PLAAT1: variants seen among roughly 807,000 people sequenced by gnomAD.
PLAAT1 encodes phospholipase A and acyltransferase 1, also known as H-REV107 protein-related protein.
Under a neutral mutation model 16.4 loss-of-function variants are expected in PLAAT1, and 13 were observed. That is an observed-to-expected ratio of 0.79 (90% CI 0.52 to 1.26). PLAAT1 has a LOEUF of 1.26. Among genes scored for constraint, PLAAT1 ranks in the 50% most tolerant of loss-of-function variants. PLAAT1 has a pLI of 0.00. For synonymous variants in PLAAT1, 73 were observed against 78.4 expected (o/e 0.93, Z 0.36); for missense variants, 218 against 207.8 (o/e 1.05, Z -0.30).
chr3:193,257,596 C>T (rs189337823), intron 2 of PLAAT1, among the ~76,000 whole-genome samples: 1 of 152,250 alleles, frequency 6.6e-6, no homozygotes, highest in African/African-American at 2.4e-5. Flanking sequence ...AATTAAACAG[C>T]TTGGTCCTCA....
chr3:193,266,101 CTTATG>C (rs1716767531), intron 3 of PLAAT1, among the ~76,000 whole-genome samples: 2 of 152,128 alleles, frequency 1.3e-5, no homozygotes, highest in African/African-American at 2.4e-5. Context: ...GAGGTTAGAT[CTTATG>C]TTAAGTATTC....
chr3:193,249,647 T>C (rs1385040149), intron 1 of PLAAT1, among the ~76,000 whole-genome samples: 3 of 152,166 alleles, frequency 2.0e-5, no homozygotes, highest in African/African-American at 7.2e-5. Flanking sequence ...TTCTGTTTAA[T>C]GCTGTCCACT....
downstream of PLAAT1, chr3:193,279,245 G>T: frequency 1.3e-6 from 1 of 754,834 alleles, no homozygotes; most frequent in Non-Finnish European, 2.2e-6. Flanking sequence ...CTAGTATATA[G>T]AAATAGCCTC....
chr3:193,281,126 G>C, downstream of PLAAT1: 1 of 943,864 alleles, frequency 1.1e-6, no homozygotes, highest in Non-Finnish European at 1.3e-6. Flanking sequence ...TCAGGATAAA[G>C]CAATCTAAAT....
At chr3:193,242,457 A>G (rs1200008390) in intron 1 of PLAAT1, among the ~76,000 whole-genome samples, 1 of 152,148 alleles carries the variant, frequency 6.6e-6, no homozygotes, top group African/African-American at 2.4e-5. Flanking sequence ...CATTTGGGGC[A>G]CTTGGAAATG....
chr3:193,262,513 A>G lies in PLAAT1; in HGVS notation c.140-457A>G, dbSNP rs576858904. Reference sequence around the variant, plus strand: ...CAAGTTTCAGACGCTTAGGGAGCTTAGATACTAGGATGAGCCTACTAATAA... The same window carrying G: ...CAAGTTTCAGACGCTTAGGGAGCTTGGATACTAGGATGAGCCTACTAATAA... On this transcript the variant is annotated intron_variant, in intron 2 of 3. Coordinates refer to ENST00000264735, the MANE Select transcript of PLAAT1 (RefSeq NM_020386.5). 7.7e-4 allele frequency among the ~76,000 whole-genome samples: 117 copies of G among 152,246 alleles called. 2 individuals are homozygous for G. The South Asian group carries it at 0.021, about 27-fold the overall frequency.
At chr3:193,258,050 G>T (rs1716442241) in intron 2 of PLAAT1, among the ~76,000 whole-genome samples, 1 of 152,114 alleles carries the variant, frequency 6.6e-6, no homozygotes, top group African/African-American at 2.4e-5. Flanking sequence ...CTTGCAGATG[G>T]CCTATTGTGG....
intron 1 of PLAAT1, among the ~76,000 whole-genome samples, chr3:193,245,134 T>G (rs1715931431): frequency 6.6e-6 from 1 of 152,242 alleles, no homozygotes; most frequent in African/African-American, 2.4e-5. Context: ...AATAAATCAC[T>G]AAAACCTACT....
chr3:193,277,784 T>C (rs1264813326), downstream of PLAAT1: 1 of 152,214 alleles, frequency 6.6e-6, no homozygotes, highest in African/African-American at 2.4e-5. Context: ...CAGAACTAAC[T>C]CTTCTCCATC....
At chr3:193,276,482 T>A (rs1396431948) in intron 2 of PLAAT1, among the ~76,000 whole-genome samples, 1 of 152,176 alleles carries the variant, frequency 6.6e-6, no homozygotes, top group Non-Finnish European at 1.5e-5. Flanking sequence ...AAAAGTGCAA[T>A]ACAGTGCATT....
intron 3 of PLAAT1, among the ~76,000 whole-genome samples, chr3:193,267,032 T>C (rs1192980973): frequency 6.6e-6 from 1 of 152,128 alleles, no homozygotes; most frequent in Non-Finnish European, 1.5e-5. Context: ...TGCTTTTCTG[T>C]ATTTGAAAAA....
intron 1 of PLAAT1, among the ~76,000 whole-genome samples, chr3:193,245,193 T>C (rs1342022574): frequency 6.6e-6 from 1 of 152,180 alleles, no homozygotes; most frequent in Non-Finnish European, 1.5e-5. Context: ...TTCTTCCCTT[T>C]CCTCATTTCT....
chr3:193,241,288 C>T lies in PLAAT1; in HGVS notation c.-246C>T. On this transcript the variant is annotated 5_prime_UTR_variant, in exon 1 of 4. Transcript: ENST00000264735. ...CCCAGCGCGTCGGCCCCCCGGCGTG[C>T]GGGCGTCTCAGAGCCGCGGAGGGGC... 4 of 1,230,534 alleles carry T rather than the reference C, an allele frequency of 3.3e-6. No homozygotes were observed. The highest frequency in any genetic ancestry group is 4.1e-6 in the Non-Finnish European group (4 of 987,198). The allele number at this position is 1,230,534 out of a possible 1,614,324, so 76.2% of individuals were successfully genotyped here. A position where few individuals can be genotyped will look rare whatever the true frequency, so the allele number is the denominator to read the frequency against.
chr3:193,256,293 A>T (rs1162224270), intron 2 of PLAAT1, among the ~76,000 whole-genome samples: 1 of 152,164 alleles, frequency 6.6e-6, no homozygotes, highest in Admixed American at 6.5e-5. Context: ...AGAAGGTAGG[A>T]TGAGAAGTGC....
chr3:193,246,686 CA>C (rs1217388997), intron 1 of PLAAT1, among the ~76,000 whole-genome samples: 7 of 152,316 alleles, frequency 4.6e-5, no homozygotes, highest in Admixed American at 4.6e-4. Flanking sequence ...TATATATGTT[CA>C]CCCATCCTTG....
intron 1 of PLAAT1, among the ~76,000 whole-genome samples, chr3:193,248,650 A>G (rs911434934): frequency 6.6e-6 from 1 of 152,104 alleles, no homozygotes; most frequent in Non-Finnish European, 1.5e-5. Context: ...AAGCTATTTT[A>G]AGCTTATAAT....
At chr3:193,248,267 C>T (rs1716055464) in intron 1 of PLAAT1, among the ~76,000 whole-genome samples, 1 of 151,958 alleles carries the variant, frequency 6.6e-6, no homozygotes, top group Admixed American at 6.6e-5. Flanking sequence ...CTTTTTTCAT[C>T]CCTTCATTAT....
intron 2 of PLAAT1, among the ~76,000 whole-genome samples, chr3:193,257,661 C>T (rs1355590982): frequency 6.6e-6 from 1 of 152,074 alleles, no homozygotes; most frequent in Admixed American, 6.6e-5. Flanking sequence ...TTGAAGGATG[C>T]AAAGTATTGT....
At chr3:193,245,242 C>G (rs1262610467) in intron 1 of PLAAT1, among the ~76,000 whole-genome samples, 1 of 152,134 alleles carries the variant, frequency 6.6e-6, no homozygotes, top group Non-Finnish European at 1.5e-5. Flanking sequence ...CCTCTGTACT[C>G]TATTTCTATG....
Sources: allele counts gnomAD v4.1 joint callset (sites outside exome capture counted in the v4.1 genomes callset), GRCh38; gene constraint gnomAD v4.1.1; transcripts MANE v1.5; gene names NCBI Gene and HGNC (gene_info 2026-07-23, HGNC 2026-07-21).